Variants in USH2A observed in about 807,000 individuals in gnomAD.
The protein encoded by USH2A is usherin, also known as Usher syndrome 2A (autosomal recessive, mild).
In USH2A, 443 loss-of-function variants were observed where a neutral mutation model predicts 538.9. That is an observed-to-expected ratio of 0.82 (90% CI 0.76 to 0.89). The LOEUF is 0.89. Ranked by LOEUF, USH2A falls within the 40% of genes least tolerant of loss-of-function variation. USH2A has a pLI of 0.00. For synonymous variants in USH2A, 2,413 were observed against 2,273.5 expected (o/e 1.06, Z -1.75); for missense variants, 6,633 against 6,324.8 (o/e 1.05, Z -1.65).
At chr1:216,205,958 T>C (rs2035103265) in intron 16 of USH2A, among the ~76,000 whole-genome samples, 1 of 152,228 alleles carries the variant, frequency 6.6e-6, no homozygotes, top group African/African-American at 2.4e-5. Flanking sequence ...AAAATCTTCA[T>C]AAAAGTTACA....
At chr1:215,744,812 GC>G (rs1660426633) in intron 58 of USH2A, among the ~76,000 whole-genome samples, 1 of 152,180 alleles carries the variant, frequency 6.6e-6, no homozygotes, top group Non-Finnish European at 1.5e-5. Flanking sequence ...GTGCTAGATT[GC>G]GTTAAATTTG....
At position 215,986,328 on chromosome 1, in the gene USH2A, G is replaced by A. The variant is rs199526937; in HGVS notation, c.6805+6692C>T. 9.1e-5 allele frequency among the ~76,000 whole-genome samples: 10 copies of A among 109,586 alleles called. No homozygotes were observed. The East Asian group carries it at 2.9e-3, about 32-fold the overall frequency. 71.9% of individuals were successfully genotyped at this position (109,586 alleles called of 152,430 possible). A position where few individuals can be genotyped will look rare whatever the true frequency, so the allele number is the denominator to read the frequency against. ...TCTTTTTCTTTTTTTTTTTTTTTTG[G>A]TAGAGACAGGGTTTCATCATGTTTC... On this transcript the variant is annotated intron_variant, in intron 35 of 71. Coordinates refer to ENST00000307340, the MANE Select transcript of USH2A (RefSeq NM_206933.4).
At chr1:216,420,020 A>C (rs1202996507) in intron 2 of USH2A, among the ~76,000 whole-genome samples, 2 of 152,140 alleles carry the variant, frequency 1.3e-5, no homozygotes, top group Non-Finnish European at 2.9e-5. Context: ...AGATGACATA[A>C]AGGTTTTATA....
At chr1:215,736,367 A>G (rs1660155102) in intron 60 of USH2A, among the ~76,000 whole-genome samples, 1 of 152,124 alleles carries the variant, frequency 6.6e-6, no homozygotes, top group Non-Finnish European at 1.5e-5. Context: ...TAAAATCCCT[A>G]TTTACCACAA....
chr1:215,841,636 C>A (rs1185361022), intron 46 of USH2A, among the ~76,000 whole-genome samples: 1 of 152,126 alleles, frequency 6.6e-6, no homozygotes, highest in Non-Finnish European at 1.5e-5. Context: ...TAGGCACAGG[C>A]AAACATTTCA....
chr1:215,930,977 G>A (rs138999887), intron 38 of USH2A, among the ~76,000 whole-genome samples: 1 of 151,690 alleles, frequency 6.6e-6, no homozygotes, highest in Non-Finnish European at 1.5e-5. Flanking sequence ...TGCTAAATAT[G>A]AGCATTATGT....
chr1:216,011,076 C>T (rs555149253), intron 32 of USH2A, among the ~76,000 whole-genome samples: 1 of 152,214 alleles, frequency 6.6e-6, no homozygotes, highest in South Asian at 2.1e-4. Flanking sequence ...ATAAACTCTC[C>T]TTACAATTCC....
chr1:216,216,119 C>T (rs1472633745), intron 15 of USH2A, among the ~76,000 whole-genome samples: 1 of 151,974 alleles, frequency 6.6e-6, no homozygotes, highest in Non-Finnish European at 1.5e-5. Context: ...TTGTTGCATA[C>T]AAAGCAATCA....
intron 21 of USH2A, among the ~76,000 whole-genome samples, chr1:216,147,304 C>A (rs1313694382): frequency 6.6e-6 from 1 of 152,120 alleles, no homozygotes; most frequent in East Asian, 1.9e-4. Context: ...TTATCACCTC[C>A]CCTCCTCACA....
chr1:215,934,601 T>A lies in USH2A; in HGVS notation c.7300+15A>T, dbSNP rs1274453016. On this transcript the variant is annotated intron_variant, in intron 38 of 71. Coordinates refer to ENST00000307340, the MANE Select transcript of USH2A (RefSeq NM_206933.4). The stretch of plus-strand genomic sequence containing the variant: ...TTTATATAAAATTAGATAGCCAACA[T>A]TTGCATAGACTTACCTCCTGGAGGC... The A allele has an allele frequency of 6.2e-7, 1 of 1,610,404 alleles. No individual in the cohort carries two copies. Among genetic ancestry groups the A allele is most frequent in the Non-Finnish European group, 8.5e-7 (1 of 1,177,512 alleles).
rs538228380 is a variant in USH2A, at chr1:215,946,441, A to G, written c.7121-11646T>C. On this transcript the variant is annotated intron_variant, in intron 37 of 71. Coordinates refer to ENST00000307340, the MANE Select transcript of USH2A (RefSeq NM_206933.4). The stretch of plus-strand genomic sequence containing the variant: ...CAAATATTTGCCTTAAGAAAATTGG[A>G]GGACCAAATAAAAAAGGAGATGATT... Among the ~76,000 whole-genome samples, 12 of 152,308 alleles carry G rather than the reference A, an allele frequency of 7.9e-5. No homozygotes were observed. In the East Asian group the frequency reaches 2.1e-3, roughly 27 times the overall value.
Position 216,231,620 on chromosome 1 carries a change from C to T in USH2A, c.2993+333G>A, listed in dbSNP as rs564889759. On this transcript the variant is annotated intron_variant, in intron 14 of 71. Transcript: ENST00000307340. Reference sequence around the variant, plus strand: ...CTGGAGTACAGTGGCGCGATCTCGGCTCACTGCAACCTACCCCTCCCGGTT... The same window carrying T: ...CTGGAGTACAGTGGCGCGATCTCGGTTCACTGCAACCTACCCCTCCCGGTT... Among the ~76,000 whole-genome samples, 277 of 151,738 alleles carry T rather than the reference C, an allele frequency of 1.8e-3. 1 individual carries two copies. The highest frequency in any genetic ancestry group is 6.4e-3 in the African/African-American group (265 of 41,362).
chr1:216,222,299 A>G (rs2102504169), intron 14 of USH2A, among the ~76,000 whole-genome samples: 1 of 152,324 alleles, frequency 6.6e-6, no homozygotes, highest in East Asian at 1.9e-4. Context: ...GTAGCAGGAA[A>G]GCAACCACAG....
intron 49 of USH2A, among the ~76,000 whole-genome samples, chr1:215,813,040 A>G: frequency 6.6e-6 from 1 of 152,226 alleles, no homozygotes; most frequent in East Asian, 1.9e-4. Context: ...TGAAGATTCT[A>G]TAAGGTATCC....
rs1273657996 is a variant in USH2A at position 216,156,290 on chromosome 1, T to TTTTTC, written c.4627+18957_4627+18961dup. On this transcript the variant is annotated intron_variant, in intron 21 of 71. Transcript: ENST00000307340. The stretch of plus-strand genomic sequence containing the variant: ...TCTTTTTCTTTCTTTCTTTCTTTTT[T>TTTTTC]TTTTCTTTTTTTTTTTTTTTTTGGC... Among the ~76,000 whole-genome samples, 214 of 95,286 alleles carry TTTTTC rather than the reference T, an allele frequency of 2.2e-3. 2 individuals carry two copies. The highest frequency in any genetic ancestry group is 9.4e-3 in the African/African-American group (211 of 22,508). 62.5% of individuals were successfully genotyped at this position (95,286 alleles called of 152,430 possible).
At chr1:216,070,539 T>C (rs913502889) in intron 29 of USH2A, among the ~76,000 whole-genome samples, 1 of 152,098 alleles carries the variant, frequency 6.6e-6, no homozygotes, top group African/African-American at 2.4e-5. Context: ...GTCCAGGTTT[T>C]CCAAAAACAT....
intron 21 of USH2A, among the ~76,000 whole-genome samples, chr1:216,145,251 T>C (rs1313488973): frequency 2.0e-5 from 3 of 152,220 alleles, no homozygotes; most frequent in Non-Finnish European, 2.9e-5. Flanking sequence ...GAATCAGTTC[T>C]GCATGGAGCA....
At chr1:216,096,782 T>G (rs1372584071) in intron 22 of USH2A, among the ~76,000 whole-genome samples, 1 of 152,156 alleles carries the variant, frequency 6.6e-6, no homozygotes. Flanking sequence ...AAAATAAAAA[T>G]AGATCTCTTT....
At chr1:215,941,996 G>A (rs1666647126) in intron 37 of USH2A, among the ~76,000 whole-genome samples, 1 of 152,064 alleles carries the variant, frequency 6.6e-6, no homozygotes, top group Admixed American at 6.6e-5. Context: ...TGTGAGTCAG[G>A]AGTCTGGCAC....
Sources: gnomAD v4.1 joint callset for allele counts (sites outside exome capture counted in the v4.1 genomes callset) on GRCh38, gnomAD v4.1.1 for gene constraint, MANE v1.5 for transcripts, NCBI Gene and HGNC (gene_info 2026-07-23, HGNC 2026-07-21) for gene names.